ABCB5: variants seen among roughly 807,000 people sequenced by gnomAD.
ABCB5 encodes ATP-binding cassette sub-family B member 5.
Under a neutral mutation model 144.2 loss-of-function variants are expected in ABCB5, and 155 were observed. The observed-to-expected ratio is 1.08, with a 90% CI of 0.94 to 1.23. ABCB5 has a LOEUF of 1.23. Ranked by LOEUF, ABCB5 falls within the 50% of genes most tolerant of loss-of-function variation. The probability of loss-of-function intolerance (pLI) is 0.00; values close to 1 mark genes in which losing one functional copy is unlikely to be tolerated. For missense variants in ABCB5, 1,830 were observed against 1,520.8 expected (o/e 1.20, Z -3.38); for synonymous variants, 610 against 528.6 (o/e 1.15, Z -2.11).
At chr7:20,616,895 C>T (rs774925573) in intron 1 of ABCB5, among the ~76,000 whole-genome samples, 20 of 152,198 alleles carry the variant, frequency 1.3e-4, no homozygotes, top group Non-Finnish European at 2.5e-4. Flanking sequence ...TGTCTCAGTG[C>T]ACTTTTCTCT....
chr7:20,622,847 C>A (rs1335253527), intron 1 of ABCB5, among the ~76,000 whole-genome samples: 6 of 152,108 alleles, frequency 3.9e-5, no homozygotes, highest in African/African-American at 9.7e-5. Flanking sequence ...TTCCCTCAAA[C>A]TGCTGGCTAA....
intron 15 of ABCB5, 51 bp downstream of exon 15, chr7:20,681,717 G>T (rs1369101389): frequency 2.5e-6 from 4 of 1,570,968 alleles, no homozygotes; most frequent in Non-Finnish European, 3.5e-6. Context: ...ACGTTTCAGA[G>T]ATCATACCAC....
At chr7:20,749,401 T>TC in intron 26 of ABCB5, among the ~76,000 whole-genome samples, 1 of 138,622 alleles carries the variant, frequency 7.2e-6, no homozygotes, top group South Asian at 2.4e-4. Flanking sequence ...CCTAATTTTT[T>TC]TTTTTTTTTT....
chr7:20,658,271 G>T (rs1158939631), intron 13 of ABCB5, among the ~76,000 whole-genome samples: 7 of 150,110 alleles, frequency 4.7e-5, no homozygotes. Context: ...TTATAATGAG[G>T]TCTAATTTAT....
intron 5 of ABCB5, among the ~76,000 whole-genome samples, chr7:20,638,344 T>A (rs1327912275): frequency 6.6e-6 from 1 of 152,054 alleles, no homozygotes; most frequent in East Asian, 1.9e-4. Flanking sequence ...GTACTGTTTA[T>A]ATTATTTTTA....
chr7:20,616,569 A>G (rs575024301), intron 1 of ABCB5, among the ~76,000 whole-genome samples: 15 of 152,204 alleles, frequency 9.9e-5, no homozygotes, highest in Non-Finnish European at 1.9e-4. Context: ...ATTTTCTTGT[A>G]TGTTCCATAG....
chr7:20,739,130 GA>G lies in ABCB5; in HGVS notation c.3020del (p.Lys1007SerfsTer9). ...PNIDSRSQEG[K>X]KPDTCEGNLE... ...ATATAGACAGCCGCAGTCAAGAAGG[GA>G]AAAAGCCAGTAAGCACAACTGTGAT... On this transcript the variant is annotated frameshift_variant, in exon 24 of 28. Coordinates refer to ENST00000404938, the MANE Select transcript of ABCB5 (RefSeq NM_001163941.2). LOFTEE classifies it high-confidence loss of function. The G allele has an allele frequency of 1.3e-6, 2 of 1,599,072 alleles. No individual in the cohort carries two copies. Among genetic ancestry groups the G allele is most frequent in the Admixed American group, 1.7e-5 (1 of 57,416 alleles).
At chr7:20,627,427 G>A (rs1783934108) in intron 3 of ABCB5, among the ~76,000 whole-genome samples, 1 of 151,910 alleles carries the variant, frequency 6.6e-6, no homozygotes, top group African/African-American at 2.4e-5. Flanking sequence ...TAATATTTTG[G>A]TCTCCATTCA....
intron 20 of ABCB5, among the ~76,000 whole-genome samples, chr7:20,719,574 C>T (rs576246360): frequency 6.6e-6 from 1 of 152,248 alleles, no homozygotes; most frequent in Non-Finnish European, 1.5e-5. Context: ...GCTGGCCTTC[C>T]GTCAGTGTGG....
chr7:20,637,184 C>T (rs143246665), intron 5 of ABCB5, among the ~76,000 whole-genome samples: 88 of 152,166 alleles, frequency 5.8e-4, no homozygotes, highest in African/African-American at 2.0e-3. Flanking sequence ...GTACTTCTTC[C>T]GTCTGTAATA....
intron 14 of ABCB5, chr7:20,666,714 A>G: frequency 6.3e-7 from 1 of 1,582,972 alleles, no homozygotes; most frequent in Non-Finnish European, 8.6e-7. Context: ...TCTGTGAAGT[A>G]GGATAGGAGA....
chr7:20,623,279 A>G lies in ABCB5; in HGVS notation c.-7A>G. 1 of 1,530,028 alleles carries G rather than the reference A, an allele frequency of 6.5e-7. No homozygotes were observed. The highest frequency in any genetic ancestry group is 8.9e-7 in the Non-Finnish European group (1 of 1,127,238). The allele number at this position is 1,530,028 out of a possible 1,614,324, so 94.8% of individuals were successfully genotyped here. ...TTGTATTTCAGAAGAAGTAAATTGTAAATAAGATGGAAAATTCAGAAAGAG... is the reference window on the plus strand; with the variant it reads ...TTGTATTTCAGAAGAAGTAAATTGTGAATAAGATGGAAAATTCAGAAAGAG... On this transcript the variant is annotated 5_prime_UTR_variant, in exon 2 of 28. Coordinates refer to ENST00000404938, the MANE Select transcript of ABCB5 (RefSeq NM_001163941.2).
intron 19 of ABCB5, among the ~76,000 whole-genome samples, chr7:20,700,383 T>A (rs1786579253): frequency 6.6e-6 from 1 of 152,232 alleles, no homozygotes; most frequent in African/African-American, 2.4e-5. Context: ...TTCCTTGCAT[T>A]CATCTTGACA....
At chr7:20,739,212 G>A (rs533409257) in intron 24 of ABCB5, 73 bp downstream of exon 24, 124 of 1,376,068 alleles carry the variant, frequency 9.0e-5, no homozygotes, top group African/African-American at 6.6e-4. Flanking sequence ...CTGAAGATGG[G>A]AGGGAGAGAG....
At chr7:20,627,856 C>A (rs909893177) in intron 3 of ABCB5, among the ~76,000 whole-genome samples, 2 of 152,180 alleles carry the variant, frequency 1.3e-5, no homozygotes, top group African/African-American at 2.4e-5. Context: ...TGCAGATCAG[C>A]TTTCCATAAA....
chr7:20,747,330 G>C (rs1007529023), intron 26 of ABCB5, among the ~76,000 whole-genome samples: 5 of 152,180 alleles, frequency 3.3e-5, no homozygotes, highest in African/African-American at 1.2e-4. Context: ...CAGTGCAGTG[G>C]TGTGTTCTTG....
At position 20,700,112 on chromosome 7, in the gene ABCB5, G is replaced by A. The variant is rs781667194; in HGVS notation, c.2314G>A (p.Ala772Thr). The change falls in exon 19 of 28, where the codon GCC becomes ACC. Residue 772 changes from alanine (A) to threonine (T), a missense_variant. Transcript: ENST00000404938. ...TTTAACGATGAGATTAAGACACTTGGCCTTCAAAGCCATGTTATATCAGGT... is the reference window on the plus strand; with the variant it reads ...TTTAACGATGAGATTAAGACACTTGACCTTCAAAGCCATGTTATATCAGGT... ...EILTMRLRHL[A>T]FKAMLYQDIA... The A allele has an allele frequency of 6.2e-7, 1 of 1,612,608 alleles. No homozygotes were observed. The highest frequency in any genetic ancestry group is 2.2e-5 in the East Asian group (1 of 44,780).
intron 26 of ABCB5, among the ~76,000 whole-genome samples, chr7:20,752,621 G>T (rs1264079635): frequency 2.6e-5 from 4 of 152,196 alleles, no homozygotes; most frequent in African/African-American, 7.2e-5. Context: ...GGCTGAGGAG[G>T]GTGGATCACG....
intron 21 of ABCB5, among the ~76,000 whole-genome samples, chr7:20,726,285 G>A (rs1473213479): frequency 1.3e-5 from 2 of 150,254 alleles, no homozygotes; most frequent in African/African-American, 4.9e-5. Flanking sequence ...TAATGTTCCT[G>A]AGTCCTTTTA....
Sources: gnomAD v4.1 joint callset for allele counts (sites outside exome capture counted in the v4.1 genomes callset) on GRCh38, gnomAD v4.1.1 for gene constraint, MANE v1.5 for transcripts, NCBI Gene and HGNC (gene_info 2026-07-23, HGNC 2026-07-21) for gene names.